The following ANK2 variants were observed in gnomAD, a reference collection of about 807,000 sequenced individuals.
The protein encoded by ANK2 is ankyrin 2.
ANK2 carries 83 observed loss-of-function variants against 360.5 expected under a neutral mutation model. The ratio of observed to expected loss-of-function variants is 0.23; its 90% CI spans 0.19 to 0.28. The LOEUF is 0.28. Among genes scored for constraint, ANK2 ranks in the 10% least tolerant of loss-of-function variants. The pLI is 1.00. For synonymous variants in ANK2, 1,740 were observed against 1,759.5 expected (o/e 0.99, Z 0.28); for missense variants, 4,201 against 4,795.7 (o/e 0.88, Z 3.66).
intron 1 of ANK2, among the ~76,000 whole-genome samples, chr4:113,130,761 C>T (rs565635998): frequency 2.0e-5 from 3 of 152,286 alleles, no homozygotes; most frequent in Admixed American, 6.5e-5. Flanking sequence ...AGATACTCTA[C>T]TGATTCTAAA....
chr4:113,083,946 T>C (rs2083450789), intron 1 of ANK2, among the ~76,000 whole-genome samples: 1 of 152,202 alleles, frequency 6.6e-6, no homozygotes, highest in African/African-American at 2.4e-5. Flanking sequence ...TGCTTAAATT[T>C]TGTTCACATA....
intron 10 of ANK2, among the ~76,000 whole-genome samples, chr4:113,251,675 G>A (rs1216730958): frequency 1.3e-5 from 2 of 151,202 alleles, no homozygotes; most frequent in South Asian, 2.1e-4. Context: ...GGAGAGACGG[G>A]GTTTCACCGT....
intron 1 of ANK2, among the ~76,000 whole-genome samples, chr4:112,847,335 T>C (rs960154674): frequency 6.6e-6 from 1 of 152,236 alleles, no homozygotes; most frequent in Non-Finnish European, 1.5e-5. Context: ...GTATTGTTAC[T>C]CAGTTGTTCG....
chr4:113,365,332 C>A, intron 41 of ANK2, 150 bp downstream of exon 41: 1 of 843,054 alleles, frequency 1.2e-6, no homozygotes, highest in Non-Finnish European at 1.9e-6. Context: ...CTTTTCCTTG[C>A]TACCCTGAGG....
chr4:113,213,036 T>C (rs2099043199), intron 4 of ANK2, among the ~76,000 whole-genome samples: 1 of 152,218 alleles, frequency 6.6e-6, no homozygotes. Flanking sequence ...AGTATAGACA[T>C]TGATCTCCTA....
chr4:113,038,421 G>C (rs1033969555), intron 2 of ANK2, among the ~76,000 whole-genome samples: 3 of 152,036 alleles, frequency 2.0e-5, no homozygotes, highest in Middle Eastern at 3.4e-3. Flanking sequence ...GAACATTGCA[G>C]TTCTGGCTAG....
rs137883362 is a variant in ANK2, at chr4:112,866,048, A to G, written c.-39-38407A>G. Among the ~76,000 whole-genome samples the G allele has an allele frequency of 3.3e-5, 5 of 152,348 alleles. No individual in the cohort carries two copies. The East Asian group carries it at 7.7e-4, about 23-fold the overall frequency. ...TACATGTATGCAGCATTCTGTTTTA[A>G]TAAGAGTCAGCACTACTGTTTTTCT... On this transcript the variant is annotated intron_variant, in intron 1 of 30. Coordinates refer to the ANK2 transcript ENST00000503271.
At chr4:113,168,033 C>A (rs1318005065) in intron 1 of ANK2, among the ~76,000 whole-genome samples, 2 of 152,024 alleles carry the variant, frequency 1.3e-5, no homozygotes, top group Admixed American at 6.6e-5. Context: ...CACAACCTTG[C>A]AAAATAATCT....
chr4:113,311,129 T>A (rs2079738477), intron 23 of ANK2, 126 bp from the exon 24 acceptor site: 1 of 1,157,668 alleles, frequency 8.6e-7, no homozygotes. Context: ...TTCTGTGTTC[T>A]AGTGTGCAGT....
rs529819190 is a variant in ANK2 at position 112,973,359 on chromosome 4, A to G, written c.21+68845A>G. Among the ~76,000 whole-genome samples, 9 of 152,314 alleles carry G rather than the reference A, an allele frequency of 5.9e-5. No individual in the cohort carries two copies. The South Asian group carries it at 1.9e-3, about 32-fold the overall frequency. On this transcript the variant is annotated intron_variant, in intron 2 of 30. Coordinates refer to the ANK2 transcript ENST00000503271. The stretch of plus-strand genomic sequence containing the variant: ...TTTTATCACTCTTTATAGTTGGCAA[A>G]TTAAGATATACTAAGATATAAAAGC...
chr4:112,852,961 G>T (rs968594850), intron 1 of ANK2, among the ~76,000 whole-genome samples: 1 of 152,166 alleles, frequency 6.6e-6, no homozygotes, highest in African/African-American at 2.4e-5. Flanking sequence ...GAAATTTGTT[G>T]TTATTGTTGT....
chr4:113,240,392 A>G (rs961097724), intron 7 of ANK2, 93 bp from the exon 8 acceptor site: 19 of 921,760 alleles, frequency 2.1e-5, no homozygotes, highest in Non-Finnish European at 3.2e-5. Flanking sequence ...TATATTAGGT[A>G]GACTTTTACC....
chr4:113,292,426 C>G lies in ANK2; in HGVS notation c.2288C>G (p.Thr763Arg), dbSNP rs1279672563. ...CACTGTCCTCCACAGAACGGCTACA[C>G]GCCTTTGCACCAGGCCGCTCAGCAG... is the stretch of plus-strand genomic sequence containing the variant. ...NVNAKTKNGY[T>R]PLHQAAQQGH... Residue 763 changes from threonine (T) to arginine (R), a missense_variant, in exon 21 of 46, where the codon ACG becomes AGG. This residue lies in a region of ANK2 where 1,268 missense variants were observed against 1,650.8 expected (regional missense o/e 0.77). Coordinates refer to ENST00000357077, the MANE Select transcript of ANK2 (RefSeq NM_001148.6). 2 of 1,609,772 alleles carry G rather than the reference C, an allele frequency of 1.2e-6. No individual in the cohort carries two copies. Among genetic ancestry groups the G allele is most frequent in the Non-Finnish European group, 1.7e-6 (2 of 1,178,076 alleles).
At chr4:112,773,927 A>T in the ANK2 span, among the ~76,000 whole-genome samples, 1 of 151,992 alleles carries the variant, frequency 6.6e-6, no homozygotes. Flanking sequence ...CAGACTCCCA[A>T]GTAGCTGGGA....
intron 2 of ANK2, among the ~76,000 whole-genome samples, chr4:113,023,679 G>C (rs2058651572): frequency 6.6e-6 from 1 of 152,072 alleles, no homozygotes; most frequent in South Asian, 2.1e-4. Context: ...TTTAATCGTT[G>C]TTTTCTGTCT....
In ANK2 at chr4:113,171,241, C is replaced by A. The variant is rs568918657; in HGVS notation, c.85-3175C>A. 2.0e-4 allele frequency among the ~76,000 whole-genome samples: 31 copies of A among 152,232 alleles called. No individual in the cohort carries two copies. In the South Asian group the frequency reaches 6.2e-3, roughly 31 times the overall value. On this transcript the variant is annotated intron_variant, in intron 1 of 45. Transcript: ENST00000357077. ...TATCTCTCTCCCTGAATGTTTGAAT[C>A]CTCTTTCATCTCTGTGTTGATTGAA...
chr4:113,340,149 A>G (rs1375075889), intron 32 of ANK2, among the ~76,000 whole-genome samples: 3 of 152,236 alleles, frequency 2.0e-5, no homozygotes. Flanking sequence ...TTTAGCATCT[A>G]TACTGTAATC....
intron 1 of ANK2, among the ~76,000 whole-genome samples, chr4:113,110,492 A>G (rs1233035084): frequency 6.6e-6 from 1 of 152,218 alleles, no homozygotes; most frequent in Non-Finnish European, 1.5e-5. Flanking sequence ...CTGTTGGTAA[A>G]GAAGTGAAAA....
intron 2 of ANK2, among the ~76,000 whole-genome samples, chr4:112,926,826 A>G (rs1446137097): frequency 6.6e-6 from 1 of 152,248 alleles, no homozygotes; most frequent in Non-Finnish European, 1.5e-5. Flanking sequence ...AGTATTTAGC[A>G]TATGTGGTTG....
Sources: gnomAD v4.1 joint callset for allele counts (sites outside exome capture counted in the v4.1 genomes callset) on GRCh38, gnomAD v4.1.1 for gene constraint, gnomAD v4.1.1 regional missense constraint, MANE v1.5 for transcripts, NCBI Gene and HGNC (gene_info 2026-07-23, HGNC 2026-07-21) for gene names.